SCLT1: variants seen among roughly 807,000 people sequenced by gnomAD.
SCLT1 encodes sodium channel and clathrin linker 1.
A neutral mutation model predicts 112.8 loss-of-function variants in SCLT1; 78 were observed. That is an observed-to-expected ratio of 0.69 (90% CI 0.58 to 0.83). The LOEUF is 0.83. SCLT1 is among the 40% of genes least tolerant of loss of function. SCLT1 has a pLI of 0.00. For missense variants in SCLT1, 747 were observed against 770.4 expected (o/e 0.97, Z 0.36); for synonymous variants, 257 against 254.7 (o/e 1.01, Z -0.09).
chr4:128,879,117 T>TA (rs1732586561), downstream of SCLT1, among the ~76,000 whole-genome samples: 1 of 150,552 alleles, frequency 6.6e-6, no homozygotes, highest in East Asian at 1.9e-4. Context: ...CCCTAGAACT[T>TA]AAAGTATTAA....
chr4:128,903,076 TA>T (rs66863573), intron 18 of SCLT1, among the ~76,000 whole-genome samples: 109,512 of 150,396 alleles, frequency 0.73, 39,994 homozygotes, highest in African/African-American at 0.82. Context: ...ACAGTTAACT[TA>T]AAAAAAAAAA....
At chr4:129,045,615 AAG>A (rs1016947432) in intron 2 of SCLT1, among the ~76,000 whole-genome samples, 4 of 152,094 alleles carry the variant, frequency 2.6e-5, no homozygotes, top group Non-Finnish European at 5.9e-5. Flanking sequence ...ATAAAAAACA[AAG>A]AAGTTATTTC....
At chr4:128,997,259 G>A (rs1024155626) in intron 8 of SCLT1, 11 of 151,818 alleles carry the variant, frequency 7.2e-5, no homozygotes, top group African/African-American at 2.7e-4. Context: ...GTACTAACAA[G>A]AATTAGCAGA....
chr4:128,937,026 C>A (rs2125982446), intron 17 of SCLT1, among the ~76,000 whole-genome samples, 175 bp from the exon 18 acceptor site: 1 of 152,160 alleles, frequency 6.6e-6, no homozygotes, highest in South Asian at 2.1e-4. Context: ...TGCCTGTAAT[C>A]CCAGCACTTT....
At chr4:128,982,846 T>C (rs998586474) in intron 9 of SCLT1, among the ~76,000 whole-genome samples, 2 of 152,054 alleles carry the variant, frequency 1.3e-5, no homozygotes, top group Admixed American at 1.3e-4. Flanking sequence ...GCCACTCTGA[T>C]GAGAAGTTAA....
chr4:129,061,326 G>A (rs1749949497), intron 2 of SCLT1, among the ~76,000 whole-genome samples: 1 of 152,214 alleles, frequency 6.6e-6, no homozygotes, highest in Non-Finnish European at 1.5e-5. Flanking sequence ...AAAGAAATGT[G>A]TCTCTGCAGC....
At position 128,891,897 on chromosome 4, in the gene SCLT1, G is replaced by A. The variant is rs554823442; in HGVS notation, c.1830-760C>T. ...TCAGCTCAAGCAATCCACCCTCCTCGGCCTCCCAAAGTGCTGGGATTATAG... is the reference window on the plus strand; with the variant it reads ...TCAGCTCAAGCAATCCACCCTCCTCAGCCTCCCAAAGTGCTGGGATTATAG... On this transcript the variant is annotated intron_variant, in intron 18 of 20. Transcript: ENST00000281142. Among the ~76,000 whole-genome samples, 4 of 152,036 alleles carry A rather than the reference G, an allele frequency of 2.6e-5. No individual in the cohort carries two copies. In the East Asian group the frequency reaches 5.8e-4, roughly 22 times the overall value.
intron 18 of SCLT1, among the ~76,000 whole-genome samples, chr4:128,916,483 A>T (rs1735482451): frequency 6.6e-6 from 1 of 152,220 alleles, no homozygotes; most frequent in Non-Finnish European, 1.5e-5. Flanking sequence ...CAAGTGGCAG[A>T]AGCTTTCTCT....
intron 18 of SCLT1, among the ~76,000 whole-genome samples, chr4:128,935,271 C>A (rs1737091544): frequency 6.6e-6 from 1 of 151,844 alleles, no homozygotes; most frequent in Non-Finnish European, 1.5e-5. Context: ...GCCTAGTTCA[C>A]CACTAACTCT....
Position 129,039,926 on chromosome 4 carries a change from ACACAC to A in SCLT1, c.235-835_235-831del. ...CACACACACACACACACACACACAC[ACACAC>A]AAAACCCTGAATTTACATGTAAAAG... On this transcript the variant is annotated intron_variant, in intron 4 of 20. Transcript: ENST00000281142. The A allele has an allele frequency of 1.1e-5, 5 of 467,308 alleles. No homozygotes were observed. In the East Asian group the frequency reaches 1.4e-4, roughly 13 times the overall value. 28.9% of individuals were successfully genotyped at this position (467,308 alleles called of 1,614,324 possible).
chr4:128,885,317 T>G (rs1478492574), intron 20 of SCLT1, among the ~76,000 whole-genome samples: 3 of 152,192 alleles, frequency 2.0e-5, no homozygotes, highest in Non-Finnish European at 4.4e-5. Context: ...TGTCTTTCAT[T>G]CCATAGACCC....
At chr4:128,972,434 A>G (rs1319574566) in intron 9 of SCLT1, 3 of 126,592 alleles carry the variant, frequency 2.4e-5, no homozygotes, top group African/African-American at 5.1e-5. Context: ...GATCAAGGAA[A>G]AAAAAAAAAA....
At position 128,951,474 on chromosome 4, in the gene SCLT1, C is replaced by T. The variant is rs1192485105; in HGVS notation, c.1218+1295G>A. On this transcript the variant is annotated intron_variant, in intron 14 of 20. Transcript: ENST00000281142. Reference sequence around the variant, plus strand: ...ACTCTAAAGTGAGTTTAATATAGCTCTGGTTGTTACACAGCTAACAACGAT... The same window carrying T: ...ACTCTAAAGTGAGTTTAATATAGCTTTGGTTGTTACACAGCTAACAACGAT... Among the ~76,000 whole-genome samples the T allele has an allele frequency of 3.3e-5, 5 of 152,082 alleles. No homozygotes were observed. The East Asian group carries it at 9.6e-4, about 29-fold the overall frequency.
chr4:128,977,956 G>A (rs1247623771), intron 9 of SCLT1, among the ~76,000 whole-genome samples: 1 of 152,060 alleles, frequency 6.6e-6, no homozygotes, highest in African/African-American at 2.4e-5. Context: ...AACAAGAGAT[G>A]GTGGGGTAGA....
intron 9 of SCLT1, among the ~76,000 whole-genome samples, chr4:128,973,477 G>GGAGGGAGAGAGGGAGAGGGAAAGA (rs1362653660): frequency 6.7e-6 from 1 of 150,136 alleles, no homozygotes; most frequent in African/African-American, 2.5e-5. Flanking sequence ...AGAGGGAGAG[G>GGAGGGAGAGAGGGAGAGGGAAAGA]GAGGGAGAGA....
At chr4:128,906,962 T>C (rs188397182) in intron 18 of SCLT1, among the ~76,000 whole-genome samples, 1 of 152,242 alleles carries the variant, frequency 6.6e-6, no homozygotes, top group East Asian at 1.9e-4. Flanking sequence ...TCAGAGGAAG[T>C]AGACTTTTAA....
intron 2 of SCLT1, among the ~76,000 whole-genome samples, chr4:129,059,287 T>G (rs918389888): frequency 1.3e-5 from 2 of 152,160 alleles, no homozygotes; most frequent in Non-Finnish European, 2.9e-5. Flanking sequence ...TCATGGTTAT[T>G]ATTGCCAGTT....
At chr4:128,933,693 C>T (rs953599745) in intron 18 of SCLT1, among the ~76,000 whole-genome samples, 4 of 152,054 alleles carry the variant, frequency 2.6e-5, no homozygotes, top group African/African-American at 7.2e-5. Flanking sequence ...ACGTTCTTAA[C>T]GAGTAAAATA....
At chr4:128,915,846 A>G (rs893472823) in intron 18 of SCLT1, among the ~76,000 whole-genome samples, 2 of 152,254 alleles carry the variant, frequency 1.3e-5, no homozygotes, top group African/African-American at 4.8e-5. Flanking sequence ...CCCATAGGAA[A>G]GACAGACTGT....
Sources: gnomAD v4.1 joint callset for allele counts (sites outside exome capture counted in the v4.1 genomes callset) on GRCh38, gnomAD v4.1.1 for gene constraint, MANE v1.5 for transcripts, NCBI Gene and HGNC (gene_info 2026-07-23, HGNC 2026-07-21) for gene names.